The following TDO2 variants were observed in gnomAD, a reference collection of about 807,000 sequenced individuals.
The protein encoded by TDO2 is tryptamin 2,3-dioxygenase.
In TDO2, 63 loss-of-function variants were observed where a neutral mutation model predicts 61.2. The observed-to-expected ratio is 1.03, with a 90% CI of 0.84 to 1.27. TDO2 has a LOEUF of 1.27. Ranked by LOEUF, TDO2 falls within the 50% of genes most tolerant of loss-of-function variation. The probability of loss-of-function intolerance (pLI) is 0.00; values close to 1 mark genes in which losing one functional copy is unlikely to be tolerated. For synonymous variants in TDO2, 183 were observed against 164.0 expected (o/e 1.12, Z -0.89); for missense variants, 494 against 469.5 (o/e 1.05, Z -0.48).
chr4:155,904,254 T>G (rs1742679261), intron 2 of TDO2, 131 bp downstream of exon 2: 1 of 656,586 alleles, frequency 1.5e-6, no homozygotes, highest in Non-Finnish European at 2.6e-6. Context: ...AAGGATATTT[T>G]TATTCATAAA....
At chr4:155,917,350 G>A (rs763816496) in intron 9 of TDO2, 45 bp from the exon 10 acceptor site, 53 of 1,515,466 alleles carry the variant, frequency 3.5e-5, no homozygotes, top group Non-Finnish European at 4.6e-5. Flanking sequence ...TAACACACTC[G>A]ATTTACTTGA....
chr4:155,904,083 G>T lies in TDO2; in HGVS notation c.101G>T (p.Arg34Ile), dbSNP rs1742675130. 2 of 1,613,936 alleles carry T rather than the reference G, an allele frequency of 1.2e-6. No individual in the cohort carries two copies. The highest frequency in any genetic ancestry group is 1.3e-5 in the African/African-American group (1 of 74,902). ...EEDKSQTGVN[R>I]ASKGGLIYGN... Reference sequence around the variant, plus strand: ...GACAAATCACAAACTGGTGTGAATAGAGCCAGCAAAGGAGGTCTTATCTAT... The same window carrying T: ...GACAAATCACAAACTGGTGTGAATATAGCCAGCAAAGGAGGTCTTATCTAT... Residue 34 changes from arginine to isoleucine, a missense_variant, in exon 2 of 12, where the codon AGA (arginine) becomes ATA (isoleucine). Arg to Ile is a moderately conservative substitution (Grantham distance 97). Coordinates refer to ENST00000536354, the MANE Select transcript of TDO2 (RefSeq NM_005651.4).
At chr4:155,911,808 C>T (rs112247817) in intron 7 of TDO2, among the ~76,000 whole-genome samples, 211 of 152,012 alleles carry the variant, frequency 1.4e-3, no homozygotes, top group African/African-American at 4.7e-3. Flanking sequence ...CTTCATTGCA[C>T]GGGAGAATTT....
At chr4:155,903,851 C>A (rs373006203) in intron 1 of TDO2, 58 bp downstream of exon 1, 2 of 1,591,466 alleles carry the variant, frequency 1.3e-6, no homozygotes, top group African/African-American at 2.7e-5. Flanking sequence ...CAGGTGTGAG[C>A]ATTTTAATTT....
In TDO2 at chr4:155,905,129, T is replaced by C; in HGVS notation, c.204T>C (p.Asp68=). ...QSETKGNKIH[D]EHLFIITHQA... ...AAACAAAAGGAAATAAAATCCATGATGAACATCTTTTTATCATAACTCATC... is the reference window on the plus strand; with the variant it reads ...AAACAAAAGGAAATAAAATCCATGACGAACATCTTTTTATCATAACTCATC... The change falls in exon 3 of 12, where the codon GAT becomes GAC. Residue 68 remains aspartate, a synonymous_variant. Coordinates refer to ENST00000536354, the MANE Select transcript of TDO2 (RefSeq NM_005651.4). The C allele has an allele frequency of 6.2e-7, 1 of 1,600,304 alleles. No homozygotes were observed. Among genetic ancestry groups the C allele is most frequent in the Non-Finnish European group, 8.5e-7 (1 of 1,173,768 alleles).
chr4:155,914,421 TCTC>T lies in TDO2; in HGVS notation c.828_830del (p.Leu277del). 2 of 1,593,200 alleles carry T rather than the reference TCTC, an allele frequency of 1.3e-6. No individual in the cohort carries two copies. Among genetic ancestry groups the T allele is most frequent in the Non-Finnish European group, 1.7e-6 (2 of 1,174,726 alleles). On this transcript the variant is annotated inframe_deletion, in exon 8 of 12. Transcript: ENST00000536354. Reference sequence around the variant, plus strand: ...TATTTGATGAGAAACGTCATGAACATCTCCTTAGTAAAGGCAGGTATTTTTACT... The same window carrying T: ...TATTTGATGAGAAACGTCATGAACATCTTAGTAAAGGCAGGTATTTTTACT...
intron 11 of TDO2, chr4:155,918,719 GATCAAC>G (rs1742989141): frequency 6.4e-6 from 1 of 155,084 alleles, no homozygotes; most frequent in African/African-American, 2.4e-5. Context: ...CAAGGAAAGA[GATCAAC>G]ATTTATTGAG....
chr4:155,908,654 T>C (rs1415678613), intron 4 of TDO2, among the ~76,000 whole-genome samples: 1 of 152,238 alleles, frequency 6.6e-6, no homozygotes, highest in Non-Finnish European at 1.5e-5. Context: ...AATTTACTTC[T>C]GCTATGCTTC....
chr4:155,905,763 C>T (rs1279368949), intron 3 of TDO2: 1 of 152,138 alleles, frequency 6.6e-6, no homozygotes, highest in African/African-American at 2.4e-5. Context: ...TTTTCAGTAC[C>T]ACTATACTGA....
rs750482663 is a variant in TDO2 at position 155,918,227 on chromosome 4, G to C, written c.1055G>C (p.Arg352Pro). ...TGGSSGYHYLRSTVSDRYKVF... is the reference protein window; with the variant it reads ...TGGSSGYHYLPSTVSDRYKVF... ...GGTTCCTCAGGCTATCACTACCTGC[G>C]ATCAACTGTGAGGTAGGTGGGGAAA... Residue 352 changes from arginine (R) to proline (P), a missense_variant, in exon 11 of 12, where the codon CGA (arginine) becomes CCA (proline). Transcript: ENST00000536354. 1 of 1,614,052 alleles carries C rather than the reference G, an allele frequency of 6.2e-7. No individual in the cohort carries two copies. The highest frequency in any genetic ancestry group is 1.7e-5 in the Admixed American group (1 of 60,022).
At chr4:155,917,577 C>A in intron 10 of TDO2, 103 bp downstream of exon 10, 1 of 951,132 alleles carries the variant, frequency 1.1e-6, no homozygotes, top group Non-Finnish European at 1.6e-6. Context: ...TCTCTTTCCC[C>A]CTCCTTTGTG....
intron 4 of TDO2, 51 bp from the exon 5 acceptor site, chr4:155,908,836 T>C: frequency 6.5e-7 from 1 of 1,529,464 alleles, no homozygotes. Context: ...CTATTTTGTA[T>C]TTTCTAGAGG....
Position 155,918,131 on chromosome 4 carries a change from A to T in TDO2, c.977-18A>T. 2 of 1,611,002 alleles carry T rather than the reference A, an allele frequency of 1.2e-6. No individual in the cohort carries two copies. Among genetic ancestry groups the T allele is most frequent in the Non-Finnish European group, 1.7e-6 (2 of 1,178,498 alleles). On this transcript the variant is annotated intron_variant, in intron 10 of 11. Transcript: ENST00000536354. ...TGGTGGAAAAATATCCATGGAGTAA[A>T]TTTGTATGTTTGCCTAGATAACCAT...
intron 5 of TDO2, 48 bp from the exon 6 acceptor site, chr4:155,909,977 C>T: frequency 1.2e-6 from 1 of 832,022 alleles, no homozygotes; most frequent in Non-Finnish European, 1.6e-6. Context: ...CTTCTCCTCT[C>T]CTCTCTTTCC....
At position 155,915,925 on chromosome 4, in the gene TDO2, CGAAGAGAGACT is replaced by C; in HGVS notation, c.896+18_896+28del. 1 of 1,599,942 alleles carries C rather than the reference CGAAGAGAGACT, an allele frequency of 6.3e-7. No homozygotes were observed. Among genetic ancestry groups the C allele is most frequent in the Non-Finnish European group, 8.5e-7 (1 of 1,173,864 alleles). On this transcript the variant is annotated intron_variant, in intron 9 of 11. Transcript: ENST00000536354. Reference sequence around the variant, plus strand: ...TATATTTTTACAGGTAAAGCAAATCCGAAGAGAGACTGAAGTTAAAATTGAGGGGTGGATAT... The same window carrying C: ...TATATTTTTACAGGTAAAGCAAATCCGAAGTTAAAATTGAGGGGTGGATAT...
chr4:155,904,914 T>G (rs779539429), intron 2 of TDO2, among the ~76,000 whole-genome samples, 153 bp from the exon 3 acceptor site: 1 of 152,160 alleles, frequency 6.6e-6, no homozygotes, highest in Admixed American at 6.6e-5. Flanking sequence ...CTCTTTATGA[T>G]GAGATTCGTC....
At chr4:155,908,016 CT>C (rs1742751958) in intron 4 of TDO2, among the ~76,000 whole-genome samples, 1 of 152,092 alleles carries the variant, frequency 6.6e-6, no homozygotes, top group Non-Finnish European at 1.5e-5. Context: ...TTTCAAGTCC[CT>C]TGTTTAGAAC....
intron 3 of TDO2, chr4:155,906,169 C>T (rs532763179): frequency 1.3e-5 from 2 of 152,246 alleles, no homozygotes; most frequent in African/African-American, 2.4e-5. Flanking sequence ...GATGCTCTCA[C>T]TTACAGAGTT....
intron 3 of TDO2, chr4:155,906,922 T>A (rs895124859): frequency 5.3e-5 from 8 of 152,248 alleles, no homozygotes; most frequent in African/African-American, 1.9e-4. Context: ...TGATTCCAAC[T>A]ATGCTTCTTC....
Sources: allele counts gnomAD v4.1 joint callset (sites outside exome capture counted in the v4.1 genomes callset), GRCh38; gene constraint gnomAD v4.1.1; transcripts MANE v1.5; gene names NCBI Gene and HGNC (gene_info 2026-07-23, HGNC 2026-07-21).